Variants in PPP2R5A observed in about 807,000 individuals in gnomAD.
PPP2R5A encodes the protein protein phosphatase 2 regulatory subunit B'alpha.
In PPP2R5A, 25 loss-of-function variants were observed where a neutral mutation model predicts 64.2. That is an observed-to-expected ratio of 0.39 (90% CI 0.28 to 0.54). The LOEUF is 0.54. Ranked by LOEUF, PPP2R5A falls within the 20% of genes least tolerant of loss-of-function variation. The probability of loss-of-function intolerance (pLI) is 0.67; values close to 1 mark genes in which losing one functional copy is unlikely to be tolerated. For missense variants in PPP2R5A, 425 were observed against 576.3 expected, an observed-to-expected ratio of 0.74 and a Z score of 2.69; for synonymous variants, 198 against 201.2, an observed-to-expected ratio of 0.98 and a Z score of 0.13.
At chr1:212,323,795 T>TGG (rs1659357577) in intron 1 of PPP2R5A, among the ~76,000 whole-genome samples, 1 of 152,108 alleles carries the variant, frequency 6.6e-6, no homozygotes, top group Non-Finnish European at 1.5e-5. Flanking sequence ...AACATGGGGC[T>TGG]GGGCACGGTG....
At chr1:212,288,308 A>G (rs1411871992) in intron 1 of PPP2R5A, among the ~76,000 whole-genome samples, 1 of 152,150 alleles carries the variant, frequency 6.6e-6, no homozygotes, top group Non-Finnish European at 1.5e-5. Flanking sequence ...GAGCCACCGC[A>G]CCTGGCCACA....
At chr1:212,355,461 A>G (rs1395995250) in intron 8 of PPP2R5A, among the ~76,000 whole-genome samples, 1 of 152,178 alleles carries the variant, frequency 6.6e-6, no homozygotes, top group African/African-American at 2.4e-5. Context: ...GACAGACTAT[A>G]AAGTAACCTA....
At chr1:212,351,696 C>G (rs1272044841) in intron 8 of PPP2R5A, among the ~76,000 whole-genome samples, 1 of 152,260 alleles carries the variant, frequency 6.6e-6, no homozygotes, top group African/African-American at 2.4e-5. Flanking sequence ...CAGCACTGCA[C>G]TCCAGCCTGG....
intron 8 of PPP2R5A, among the ~76,000 whole-genome samples, chr1:212,354,046 T>A (rs1287263533): frequency 6.6e-6 from 1 of 151,842 alleles, no homozygotes; most frequent in African/African-American, 2.4e-5. Context: ...TAGCTGAGCC[T>A]GGTGGCGGGC....
At chr1:212,351,128 A>C (rs1180677980) in intron 8 of PPP2R5A, among the ~76,000 whole-genome samples, 1 of 151,570 alleles carries the variant, frequency 6.6e-6, no homozygotes, top group Non-Finnish European at 1.5e-5. Context: ...AAAACAAAAA[A>C]CCTTGACGAT....
chr1:212,344,114 A>G (rs1192115829), intron 4 of PPP2R5A, among the ~76,000 whole-genome samples: 4 of 152,062 alleles, frequency 2.6e-5, no homozygotes, highest in Non-Finnish European at 5.9e-5. Context: ...TGGGACTGCA[A>G]ATGTGCCGAC....
chr1:212,320,108 G>T (rs1250620951), intron 1 of PPP2R5A, among the ~76,000 whole-genome samples: 1 of 151,930 alleles, frequency 6.6e-6, no homozygotes, highest in Admixed American at 6.5e-5. Flanking sequence ...CGCAGTGTTT[G>T]TGTCCCTGGG....
chr1:212,341,822 C>G (rs1054578019), intron 3 of PPP2R5A, among the ~76,000 whole-genome samples: 1 of 152,060 alleles, frequency 6.6e-6, no homozygotes, highest in African/African-American at 2.4e-5. Context: ...TAACTGCAGC[C>G]TTGACCTCCA....
At chr1:212,286,402 A>G (rs1454535189) in intron 1 of PPP2R5A, 111 bp downstream of exon 1, 7 of 1,227,252 alleles carry the variant, frequency 5.7e-6, no homozygotes, top group African/African-American at 1.6e-5. Flanking sequence ...TGGGACTGGT[A>G]GTGTGTGAGC....
chr1:212,294,828 G>A (rs1306659528), intron 1 of PPP2R5A, among the ~76,000 whole-genome samples: 1 of 152,198 alleles, frequency 6.6e-6, no homozygotes, highest in Non-Finnish European at 1.5e-5. Context: ...GGGGAGGGGA[G>A]TGATCAGGGA....
At position 212,286,301 on chromosome 1, in the gene PPP2R5A, G is replaced by T; in HGVS notation, c.181+10G>T. 6.7e-7 allele frequency: 1 copy of T among 1,501,022 alleles called. No homozygotes were observed. The allele number at this position is 1,501,022 out of a possible 1,614,324, so 93.0% of individuals were successfully genotyped here. ...CTGCCCCAGCTCAAAGGTAACCTCC[G>T]AGGGCGCAGCCCCAGCAGCGAGCGC... On this transcript the variant is annotated intron_variant, in intron 1 of 12. Coordinates refer to ENST00000261461, the MANE Select transcript of PPP2R5A (RefSeq NM_006243.4).
At chr1:212,339,503 GTCA>G (rs1459362220) in intron 3 of PPP2R5A, among the ~76,000 whole-genome samples, 2 of 152,096 alleles carry the variant, frequency 1.3e-5, no homozygotes, top group African/African-American at 4.8e-5. Context: ...GTAACTTTTT[GTCA>G]TCATCTCTTT....
At chr1:212,349,472 AGTT>A (rs1215250058) in intron 8 of PPP2R5A, among the ~76,000 whole-genome samples, 2 of 152,188 alleles carry the variant, frequency 1.3e-5, no homozygotes, top group Non-Finnish European at 2.9e-5. Flanking sequence ...AATATGTAGT[AGTT>A]AAGATGTACG....
At chr1:212,329,364 T>G in intron 2 of PPP2R5A, 33 bp downstream of exon 2, 1 of 1,436,620 alleles carries the variant, frequency 7.0e-7, no homozygotes, top group Non-Finnish European at 9.3e-7. Context: ...CTCAGATTTA[T>G]GTAAATTTAA....
At chr1:212,307,396 CTTTT>C (rs1658938648) in intron 1 of PPP2R5A, among the ~76,000 whole-genome samples, 2 of 151,630 alleles carry the variant, frequency 1.3e-5, no homozygotes, top group African/African-American at 4.8e-5. Flanking sequence ...TCCTTTCCTC[CTTTT>C]TTGTGATATT....
intron 1 of PPP2R5A, among the ~76,000 whole-genome samples, chr1:212,320,923 C>T (rs1160467396): frequency 8.7e-6 from 1 of 115,088 alleles, no homozygotes; most frequent in African/African-American, 3.2e-5. Flanking sequence ...GACGGGGCGG[C>T]TGGCCGGGCG....
At chr1:212,350,654 CA>C (rs11372024) in intron 8 of PPP2R5A, among the ~76,000 whole-genome samples, 63 of 136,610 alleles carry the variant, frequency 4.6e-4, no homozygotes, top group Admixed American at 5.2e-4. Context: ...ACTCTGTCTT[CA>C]AAAAAAAAAA....
chr1:212,355,811 A>G (rs1659967625), intron 8 of PPP2R5A, among the ~76,000 whole-genome samples: 1 of 152,120 alleles, frequency 6.6e-6, no homozygotes, highest in African/African-American at 2.4e-5. Context: ...TATTTAAATA[A>G]ATAGTCTCCA....
intron 1 of PPP2R5A, among the ~76,000 whole-genome samples, chr1:212,318,035 C>A (rs1358179766): frequency 6.6e-6 from 1 of 152,090 alleles, no homozygotes; most frequent in Admixed American, 6.6e-5. Flanking sequence ...AAAAACCTAG[C>A]GGGGCTTTTG....
Sources: allele counts gnomAD v4.1 joint callset (sites outside exome capture counted in the v4.1 genomes callset), GRCh38; gene constraint gnomAD v4.1.1; transcripts MANE v1.5; gene names NCBI Gene and HGNC (gene_info 2026-07-23, HGNC 2026-07-21).